The following IMMP2L variants were observed in gnomAD, a reference collection of about 807,000 sequenced individuals.
IMMP2L encodes inner mitochondrial membrane peptidase subunit 2, also known as mitochondrial inner membrane protease subunit 2.
Under a neutral mutation model 19.3 loss-of-function variants are expected in IMMP2L, and 18 were observed. The ratio of observed to expected loss-of-function variants is 0.93; its 90% confidence interval spans 0.64 to 1.38. The LOEUF is 1.38. Ranked by LOEUF, IMMP2L falls within the 40% of genes most tolerant of loss-of-function variation. IMMP2L has a pLI of 0.00. For synonymous variants in IMMP2L, 76 were observed against 73.0 expected (o/e 1.04, Z -0.21); for missense variants, 233 against 218.2 (o/e 1.07, Z -0.43).
At chr7:110,699,378 T>C (rs943056031) in intron 5 of IMMP2L, among the ~76,000 whole-genome samples, 1 of 152,188 alleles carries the variant, frequency 6.6e-6, no homozygotes, top group African/African-American at 2.4e-5. Context: ...GTTGAAGGAA[T>C]TCTGAGATGG....
intron 3 of IMMP2L, among the ~76,000 whole-genome samples, chr7:111,147,554 T>G (rs1360775469): frequency 6.6e-6 from 1 of 152,106 alleles, no homozygotes; most frequent in South Asian, 2.1e-4. Context: ...GTCACTTTAG[T>G]GCACTCTTCT....
rs1320017768 is a variant in IMMP2L at position 110,663,474 on chromosome 7, A to G, written c.*128T>C. 5 of 740,822 alleles carry G rather than the reference A, an allele frequency of 6.7e-6. No individual in the cohort carries two copies. Among genetic ancestry groups the G allele is most frequent in the Non-Finnish European group, 1.1e-5 (5 of 438,188 alleles). The allele number at this position is 740,822 out of a possible 1,614,324, so 45.9% of individuals were successfully genotyped here. A position where few individuals can be genotyped will look rare whatever the true frequency, so the allele number is the denominator to read the frequency against. On this transcript the variant is annotated 3_prime_UTR_variant, in exon 6 of 6. Transcript: ENST00000405709. ...TTTATTTAATAATACAGATCGTTTT[A>G]ATGTGCTGTAAATATTTCTCGCACA...
chr7:111,537,591 C>T lies in IMMP2L; in HGVS notation c.-2-16142G>A, dbSNP rs190797784. ...CACTCTGTCACCCAGGCTGGAGTGC[C>T]GTGGTGCGACCTCAGCTCACTGCAA... On this transcript the variant is annotated intron_variant, in intron 1 of 5. Coordinates refer to ENST00000405709, the MANE Select transcript of IMMP2L (RefSeq NM_032549.4). 2.1e-3 allele frequency among the ~76,000 whole-genome samples: 299 copies of T among 139,330 alleles called. 3 individuals are homozygous for T. Among genetic ancestry groups the T allele is most frequent in the Middle Eastern group, 0.013 (3 of 224 alleles). 91.4% of individuals were successfully genotyped at this position (139,330 alleles called of 152,430 possible). A position where few individuals can be genotyped will look rare whatever the true frequency, so the allele number is the denominator to read the frequency against.
At chr7:110,943,064 A>G (rs1257601767) in intron 4 of IMMP2L, among the ~76,000 whole-genome samples, 2 of 152,026 alleles carry the variant, frequency 1.3e-5, no homozygotes, top group Non-Finnish European at 2.9e-5. Context: ...ATGAGACTAA[A>G]AAGTAATACT....
intron 1 of IMMP2L, among the ~76,000 whole-genome samples, chr7:111,539,222 GAAAGAA>G (rs1848269536): frequency 1.7e-5 from 2 of 120,972 alleles, no homozygotes; most frequent in Admixed American, 8.0e-5. Flanking sequence ...AAGAAAGAAA[GAAAGAA>G]AGAAAGAAAG....
intron 5 of IMMP2L, among the ~76,000 whole-genome samples, chr7:110,821,563 G>C (rs889728122): frequency 2.0e-5 from 3 of 152,050 alleles, no homozygotes; most frequent in Admixed American, 6.6e-5. Flanking sequence ...CTGAGACCTA[G>C]ACATTTATGA....
intron 5 of IMMP2L, among the ~76,000 whole-genome samples, chr7:110,716,879 C>T (rs1795264530): frequency 6.6e-6 from 1 of 152,046 alleles, no homozygotes; most frequent in Non-Finnish European, 1.5e-5. Flanking sequence ...AAAATAAAGT[C>T]AAAGCAATTC....
intron 3 of IMMP2L, among the ~76,000 whole-genome samples, chr7:111,039,812 T>C (rs982967236): frequency 1.3e-5 from 2 of 152,202 alleles, no homozygotes; most frequent in African/African-American, 2.4e-5. Context: ...ATGCCTTTAA[T>C]TGGCTACCAC....
chr7:111,381,347 G>A (rs1366146023), intron 3 of IMMP2L, among the ~76,000 whole-genome samples: 1 of 151,984 alleles, frequency 6.6e-6, no homozygotes, highest in Non-Finnish European at 1.5e-5. Flanking sequence ...AGCTACTTTA[G>A]TGAATATGGT....
chr7:110,776,257 TATTTCTGTAC>T (rs1799379660), intron 5 of IMMP2L, among the ~76,000 whole-genome samples: 1 of 152,042 alleles, frequency 6.6e-6, no homozygotes, highest in Non-Finnish European at 1.5e-5. Flanking sequence ...ATATCACCAT[TATTTCTGTAC>T]AACAGGGTGA....
chr7:111,517,266 C>G (rs1363086030), intron 2 of IMMP2L, among the ~76,000 whole-genome samples: 1 of 151,976 alleles, frequency 6.6e-6, no homozygotes, highest in Non-Finnish European at 1.5e-5. Flanking sequence ...GACCTCAATG[C>G]TAATTAAACT....
In IMMP2L at chr7:110,803,462, GT is replaced by G. The variant is rs1166570636; in HGVS notation, c.408+83130del. On this transcript the variant is annotated intron_variant, in intron 5 of 5. Transcript: ENST00000405709. The surrounding 1 kb of genome is among the most constrained non-coding windows in gnomAD (Gnocchi z 4.2). The stretch of plus-strand genomic sequence containing the variant: ...TGAAACAGAATTTAGTGTTTAAGAT[GT>G]TTATAGAGAGTAGGAATCAATGGGA... Among the ~76,000 whole-genome samples the G allele has an allele frequency of 6.6e-6, 1 of 152,122 alleles. No individual in the cohort carries two copies. Among genetic ancestry groups the G allele is most frequent in the Non-Finnish European group, 1.5e-5 (1 of 68,004 alleles).
intron 3 of IMMP2L, among the ~76,000 whole-genome samples, chr7:111,027,026 A>G (rs1826905719): frequency 6.6e-6 from 1 of 152,108 alleles, no homozygotes; most frequent in African/African-American, 2.4e-5. Context: ...TCCTTGTCAC[A>G]TTCTCTCCCA....
intron 5 of IMMP2L, among the ~76,000 whole-genome samples, chr7:110,706,866 A>C (rs983012743): frequency 6.6e-6 from 1 of 151,674 alleles, no homozygotes; most frequent in Non-Finnish European, 1.5e-5. Context: ...CCCACTCGTC[A>C]ATTTTTGTTT....
intron 4 of IMMP2L, among the ~76,000 whole-genome samples, chr7:110,961,565 A>G (rs979108090): frequency 6.6e-6 from 1 of 151,736 alleles, no homozygotes; most frequent in Non-Finnish European, 1.5e-5. Flanking sequence ...ACCCGATAGA[A>G]ATGAGAATAT....
intron 4 of IMMP2L, among the ~76,000 whole-genome samples, chr7:110,940,287 C>A (rs1364679096): frequency 2.0e-5 from 3 of 150,964 alleles, no homozygotes; most frequent in African/African-American, 7.3e-5. Context: ...CCACTGCACT[C>A]CAGCCTGGGC....
chr7:111,234,917 A>G (rs1814115582), intron 3 of IMMP2L, among the ~76,000 whole-genome samples: 1 of 152,120 alleles, frequency 6.6e-6, no homozygotes, highest in Non-Finnish European at 1.5e-5. Context: ...AGTCCACAAT[A>G]TATTTTTATT....
At chr7:111,156,896 T>C (rs1419842091) in intron 3 of IMMP2L, among the ~76,000 whole-genome samples, 4 of 151,960 alleles carry the variant, frequency 2.6e-5, no homozygotes, top group South Asian at 4.1e-4. Flanking sequence ...GATATGACTA[T>C]TCAAATTTTC....
chr7:111,434,187 A>C (rs1836903967), intron 3 of IMMP2L, among the ~76,000 whole-genome samples: 1 of 151,806 alleles, frequency 6.6e-6, no homozygotes, highest in Non-Finnish European at 1.5e-5. Flanking sequence ...ATATACACTG[A>C]AAAAGTTCTA....
Sources: gnomAD v4.1 joint callset for allele counts (sites outside exome capture counted in the v4.1 genomes callset) on GRCh38, gnomAD v4.1.1 for gene constraint, Gnocchi (gnomAD v3.1) non-coding constraint, MANE v1.5 for transcripts, NCBI Gene and HGNC (gene_info 2026-07-23, HGNC 2026-07-21) for gene names.